Variants in C12orf42 observed in about 807,000 individuals in gnomAD.
The protein encoded by C12orf42 is chromosome 12 open reading frame 42.
A neutral mutation model predicts 21.6 loss-of-function variants in C12orf42; 25 were observed. The ratio of observed to expected loss-of-function variants is 1.16; its 90% CI spans 0.84 to 1.62. C12orf42 has a LOEUF of 1.62. Ranked by LOEUF, C12orf42 falls within the 40% of genes most tolerant of loss-of-function variation. The probability of loss-of-function intolerance (pLI) is 0.00; values close to 1 mark genes in which losing one functional copy is unlikely to be tolerated. For missense variants in C12orf42, 483 were observed against 459.3 expected, an observed-to-expected ratio of 1.05 and a Z score of -0.47; for synonymous variants, 174 against 175.0, an observed-to-expected ratio of 0.99 and a Z score of 0.05.
At chr12:103,531,836 G>A in the C12orf42 span, among the ~76,000 whole-genome samples, 7 of 152,212 alleles carry the variant, frequency 4.6e-5, no homozygotes, top group African/African-American at 1.4e-4. Flanking sequence ...AGGGCATGCT[G>A]GTTCTTTAAG....
At chr12:103,054,435 C>T in the C12orf42 span, among the ~76,000 whole-genome samples, 14 of 151,886 alleles carry the variant, frequency 9.2e-5, no homozygotes, top group African/African-American at 3.4e-4. Flanking sequence ...ATTTTATATC[C>T]TGCAACCTTG....
rs2047365550 is a variant in C12orf42 at position 103,394,689 on chromosome 12, G to A, written c.147+6918C>T. ...AATAAGGGCTCCTGAAGAGCAGCAG[G>A]AAAGCAAGCACTGGAGGGGTGGCTT... On this transcript the variant is annotated intron_variant, in intron 3 of 5. Transcript: ENST00000548883. Among the ~76,000 whole-genome samples, 3 of 152,318 alleles carry A rather than the reference G, an allele frequency of 2.0e-5. No individual in the cohort carries two copies. The South Asian group carries it at 6.2e-4, about 32-fold the overall frequency.
chr12:103,335,615 C>T (rs866582430), intron 4 of C12orf42, among the ~76,000 whole-genome samples: 1 of 152,202 alleles, frequency 6.6e-6, no homozygotes, highest in African/African-American at 2.4e-5. Context: ...TCTCTGCCTG[C>T]AGACATACAA....
At chr12:103,220,586 A>C in the C12orf42 span, among the ~76,000 whole-genome samples, 2 of 152,174 alleles carry the variant, frequency 1.3e-5, no homozygotes, top group Non-Finnish European at 2.9e-5. Context: ...CTGTGTCAAA[A>C]TGCCAGTTAT....
intron 4 of C12orf42, among the ~76,000 whole-genome samples, chr12:103,281,962 A>AG (rs2036166334): frequency 1.3e-5 from 2 of 151,558 alleles, no homozygotes; most frequent in Non-Finnish European, 1.5e-5. Context: ...AAAGAAAGAA[A>AG]GAGATCGATC....
intron 2 of C12orf42, among the ~76,000 whole-genome samples, chr12:103,462,747 C>T (rs949465441): frequency 5.3e-5 from 8 of 152,056 alleles, no homozygotes; most frequent in African/African-American, 1.7e-4. Context: ...GTTAAAGCAC[C>T]GTCAGTATGA....
intron 10 of C12orf42, among the ~76,000 whole-genome samples, chr12:103,252,582 T>C (rs548310921): frequency 1.3e-5 from 2 of 152,352 alleles, no homozygotes; most frequent in South Asian, 4.1e-4. Context: ...GTTGGCCACA[T>C]AGATGTCTTC....
the C12orf42 span, among the ~76,000 whole-genome samples, chr12:103,535,675 G>GAGATGC: frequency 3.3e-5 from 5 of 152,286 alleles, no homozygotes; most frequent in Admixed American, 6.5e-5. Flanking sequence ...GCTGGAGGAT[G>GAGATGC]AGATGCTATA....
At chr12:103,077,941 C>A in the C12orf42 span, among the ~76,000 whole-genome samples, 3 of 152,058 alleles carry the variant, frequency 2.0e-5, no homozygotes, top group Non-Finnish European at 4.4e-5. Flanking sequence ...TCTTGTAGGG[C>A]AGCAAATTAA....
chr12:103,539,361 TC>T, the C12orf42 span, among the ~76,000 whole-genome samples: 1 of 116,596 alleles, frequency 8.6e-6, no homozygotes, highest in Admixed American at 8.0e-5. Context: ...TATGCTTGGT[TC>T]TTTTTTTTTT....
intron 1 of C12orf42, among the ~76,000 whole-genome samples, chr12:103,484,051 G>A (rs959658250): frequency 6.6e-6 from 1 of 151,982 alleles, no homozygotes; most frequent in East Asian, 1.9e-4. Context: ...TTTCTTAATC[G>A]AGTCTATCAT....
the C12orf42 span, among the ~76,000 whole-genome samples, chr12:103,167,421 C>T: frequency 6.6e-6 from 1 of 152,180 alleles, no homozygotes; most frequent in East Asian, 1.9e-4. Context: ...CTCTACCTGG[C>T]TTAGGCTACA....
the C12orf42 span, among the ~76,000 whole-genome samples, chr12:103,186,391 G>T: frequency 6.6e-6 from 1 of 152,250 alleles, no homozygotes; most frequent in African/African-American, 2.4e-5. Flanking sequence ...TTCAGTGATG[G>T]TGGTATGTAA....
At chr12:103,099,328 T>C in the C12orf42 span, among the ~76,000 whole-genome samples, 1 of 152,220 alleles carries the variant, frequency 6.6e-6, no homozygotes, top group Non-Finnish European at 1.5e-5. Context: ...TCTCTATGTG[T>C]TTAGTCAACC....
At chr12:103,309,430 C>A (rs1351029924) in intron 4 of C12orf42, among the ~76,000 whole-genome samples, 1 of 152,042 alleles carries the variant, frequency 6.6e-6, no homozygotes, top group Non-Finnish European at 1.5e-5. Flanking sequence ...GTATATAATA[C>A]AAATAACATA....
chr12:103,079,320 T>C, the C12orf42 span, among the ~76,000 whole-genome samples: 2 of 152,066 alleles, frequency 1.3e-5, no homozygotes, highest in African/African-American at 4.8e-5. Flanking sequence ...AGGGCTGAGT[T>C]CAATAGTATA....
At chr12:103,493,432 C>T (rs1955309527) in intron 1 of C12orf42, among the ~76,000 whole-genome samples, 1 of 151,412 alleles carries the variant, frequency 6.6e-6, no homozygotes, top group South Asian at 2.1e-4. Context: ...TCTGGCCATA[C>T]CAGCCTTGCT....
chr12:103,257,663 T>C (rs2136215262), intron 10 of C12orf42, among the ~76,000 whole-genome samples: 1 of 152,152 alleles, frequency 6.6e-6, no homozygotes, highest in South Asian at 2.1e-4. Flanking sequence ...AAAGGAACAT[T>C]TCTTAAAGTC....
the C12orf42 span, chr12:103,503,750 C>G: frequency 6.5e-6 from 1 of 153,066 alleles, no homozygotes; most frequent in Non-Finnish European, 1.5e-5. Flanking sequence ...TGACTCATGC[C>G]TGGCATTCTG....
Sources: gnomAD v4.1 joint callset for allele counts (sites outside exome capture counted in the v4.1 genomes callset) on GRCh38, gnomAD v4.1.1 for gene constraint, MANE v1.5 for transcripts, NCBI Gene and HGNC (gene_info 2026-07-23, HGNC 2026-07-21) for gene names.